Variants in SPOCK3 observed in about 807,000 individuals in gnomAD.
SPOCK3 encodes the protein SPARC (osteonectin), cwcv and kazal like domains proteoglycan 3, also known as testican-3.
In SPOCK3, 30 loss-of-function variants were observed where a neutral mutation model predicts 56.6. That is an observed-to-expected ratio of 0.53 (90% CI 0.40 to 0.72). The LOEUF (loss-of-function observed/expected upper bound fraction) is 0.72, where lower values mean the gene tolerates loss of function less well. Among genes scored for constraint, SPOCK3 ranks in the 30% least tolerant of loss-of-function variants. SPOCK3 has a pLI of 0.00. For missense variants in SPOCK3, 527 were observed against 530.0 expected (o/e 0.99, Z 0.06); for synonymous variants, 196 against 183.3 (o/e 1.07, Z -0.56).
intron 5 of SPOCK3, among the ~76,000 whole-genome samples, chr4:166,899,957 G>C (rs1431450663): frequency 6.6e-6 from 1 of 152,300 alleles, no homozygotes; most frequent in Non-Finnish European, 1.5e-5. Context: ...GTATTGGAGA[G>C]AGTATATTCC....
At chr4:167,095,662 A>T (rs1165894975) in intron 2 of SPOCK3, among the ~76,000 whole-genome samples, 1 of 151,948 alleles carries the variant, frequency 6.6e-6, no homozygotes, top group Middle Eastern at 3.2e-3. Context: ...ATAAACAAAT[A>T]GTATGAAGGA....
At chr4:167,123,808 A>G (rs570438339) in intron 2 of SPOCK3, among the ~76,000 whole-genome samples, 1 of 132,242 alleles carries the variant, frequency 7.6e-6, no homozygotes, top group East Asian at 2.2e-4. Flanking sequence ...CAATGGTGCT[A>G]TCTCCACTTG....
chr4:166,853,322 G>T (rs1175859838), intron 6 of SPOCK3, among the ~76,000 whole-genome samples: 1 of 152,078 alleles, frequency 6.6e-6, no homozygotes, highest in Non-Finnish European at 1.5e-5. Context: ...TAAGTATGAA[G>T]ACTTTTTTCT....
intron 3 of SPOCK3, among the ~76,000 whole-genome samples, chr4:167,054,741 T>A (rs1754598323): frequency 6.6e-6 from 1 of 152,182 alleles, no homozygotes. Flanking sequence ...AATGATTGAT[T>A]AAAAGAAACT....
intron 2 of SPOCK3, among the ~76,000 whole-genome samples, chr4:167,064,275 G>A (rs1002020472): frequency 6.6e-6 from 1 of 151,522 alleles, no homozygotes. Context: ...TCCAGATAGG[G>A]TTATATTAAG....
chr4:166,951,090 C>A (rs1358829053), intron 4 of SPOCK3, among the ~76,000 whole-genome samples: 4 of 142,562 alleles, frequency 2.8e-5, no homozygotes, highest in Non-Finnish European at 4.5e-5. Flanking sequence ...AAAATCAGAG[C>A]AGAACTGAAG....
At chr4:167,071,410 G>A (rs942367869) in intron 2 of SPOCK3, among the ~76,000 whole-genome samples, 17 of 151,472 alleles carry the variant, frequency 1.1e-4, no homozygotes, top group Admixed American at 8.6e-4. Flanking sequence ...CCCCTGACAG[G>A]CACCGGTGTG....
chr4:167,085,576 T>C (rs996950619), intron 2 of SPOCK3, among the ~76,000 whole-genome samples: 4 of 152,120 alleles, frequency 2.6e-5, no homozygotes, highest in Admixed American at 6.6e-5. Flanking sequence ...AAATTCATCG[T>C]TTGAAAAGAG....
chr4:167,019,083 A>G (rs1359119037), intron 3 of SPOCK3, among the ~76,000 whole-genome samples: 2 of 152,064 alleles, frequency 1.3e-5, no homozygotes, highest in Admixed American at 1.3e-4. Flanking sequence ...CCACCAACTC[A>G]TTATAAGTGA....
intron 6 of SPOCK3, among the ~76,000 whole-genome samples, chr4:166,851,700 G>A (rs1730110003): frequency 6.6e-6 from 1 of 152,030 alleles, no homozygotes; most frequent in African/African-American, 2.4e-5. Flanking sequence ...CTGTTGGTGG[G>A]ACTGTAAACT....
chr4:166,911,198 A>G (rs1249601345), intron 5 of SPOCK3, among the ~76,000 whole-genome samples: 1 of 152,206 alleles, frequency 6.6e-6, no homozygotes, highest in Non-Finnish European at 1.5e-5. Context: ...TTTAGCAGGT[A>G]GACATATGAC....
chr4:166,817,814 G>T (rs186687699), intron 6 of SPOCK3, among the ~76,000 whole-genome samples: 3 of 152,142 alleles, frequency 2.0e-5, no homozygotes, highest in Admixed American at 2.0e-4. Flanking sequence ...TTCAGGAGGA[G>T]GAGTGGATTA....
intron 2 of SPOCK3, among the ~76,000 whole-genome samples, chr4:167,203,711 T>C (rs1410885799): frequency 6.6e-6 from 1 of 152,000 alleles, no homozygotes; most frequent in Non-Finnish European, 1.5e-5. Flanking sequence ...GCTGAAGATG[T>C]GGAGTAAAAA....
At chr4:167,003,536 C>T (rs1253072018) in intron 3 of SPOCK3, among the ~76,000 whole-genome samples, 1 of 152,112 alleles carries the variant, frequency 6.6e-6, no homozygotes, top group Non-Finnish European at 1.5e-5. Context: ...AGAATCAATC[C>T]TCTGCCTTAA....
intron 2 of SPOCK3, among the ~76,000 whole-genome samples, chr4:167,150,922 T>C (rs1022719220): frequency 1.1e-4 from 16 of 152,130 alleles, no homozygotes; most frequent in African/African-American, 3.1e-4. Flanking sequence ...GATAAGCATG[T>C]CCTTTATTTT....
intron 3 of SPOCK3, among the ~76,000 whole-genome samples, chr4:167,056,939 C>A (rs1344234877): frequency 6.6e-6 from 1 of 152,012 alleles, no homozygotes; most frequent in Non-Finnish European, 1.5e-5. Context: ...CAGAGAACAC[C>A]ACAAAGATAC....
rs187747982 is a variant in SPOCK3 at position 166,799,446 on chromosome 4, C to A, written c.590-7157G>T. Among the ~76,000 whole-genome samples, 7 of 152,268 alleles carry A rather than the reference C, an allele frequency of 4.6e-5. 1 individual carries two copies. The East Asian group carries it at 1.4e-3, about 30-fold the overall frequency. On this transcript the variant is annotated intron_variant, in intron 6 of 10. Coordinates refer to ENST00000357545, the MANE Select transcript of SPOCK3 (RefSeq NM_001040159.2). ...AGGACATTTGCCCAGGCTATTGCTA[C>A]AACCGAGGAAGACATTCGGAAGATA...
intron 2 of SPOCK3, among the ~76,000 whole-genome samples, chr4:167,161,165 C>G (rs546112395): frequency 1.3e-5 from 2 of 151,882 alleles, no homozygotes; most frequent in African/African-American, 4.8e-5. Context: ...GCTAATATCC[C>G]GAATCTACAA....
intron 4 of SPOCK3, among the ~76,000 whole-genome samples, chr4:166,997,599 A>C (rs986960368): frequency 6.6e-6 from 1 of 152,194 alleles, no homozygotes; most frequent in Admixed American, 6.6e-5. Context: ...TGTACTGAGC[A>C]GTAATTCAAG....
Sources: allele counts gnomAD v4.1 joint callset (sites outside exome capture counted in the v4.1 genomes callset), GRCh38; gene constraint gnomAD v4.1.1; transcripts MANE v1.5; gene names NCBI Gene and HGNC (gene_info 2026-07-23, HGNC 2026-07-21).